Variants in EYA2 observed in about 807,000 individuals in gnomAD.
EYA2 encodes EYA transcriptional coactivator and phosphatase 2, also known as protein phosphatase EYA2.
EYA2 carries 31 observed loss-of-function variants against 69.2 expected under a neutral mutation model. That is an observed-to-expected ratio of 0.45 (90% CI 0.34 to 0.60). The LOEUF (loss-of-function observed/expected upper bound fraction) is 0.60, where lower values mean the gene tolerates loss of function less well. Among genes scored for constraint, EYA2 ranks in the 20% least tolerant of loss-of-function variants. The pLI is 0.02. For synonymous variants in EYA2, 257 were observed against 279.4 expected (o/e 0.92, Z 0.80); for missense variants, 622 against 701.2 (o/e 0.89, Z 1.28).
At chr20:46,986,171 A>C (rs1981167474) in intron 1 of EYA2, among the ~76,000 whole-genome samples, 1 of 151,830 alleles carries the variant, frequency 6.6e-6, no homozygotes, top group Non-Finnish European at 1.5e-5. Context: ...TCTATCCTGG[A>C]GTGCCTGTGG....
At chr20:47,088,198 C>T (rs553181732) in intron 7 of EYA2, among the ~76,000 whole-genome samples, 35 of 152,186 alleles carry the variant, frequency 2.3e-4, no homozygotes, top group Non-Finnish European at 4.9e-4. Flanking sequence ...CACGCCATTG[C>T]ACTCCAGCCT....
chr20:47,164,480 G>A (rs746523731), intron 10 of EYA2, among the ~76,000 whole-genome samples: 11 of 152,208 alleles, frequency 7.2e-5, no homozygotes, highest in Non-Finnish European at 1.5e-4. Flanking sequence ...CCTGGGGGGC[G>A]GAGGGGGTGT....
intron 1 of EYA2, among the ~76,000 whole-genome samples, chr20:46,931,959 A>G (rs2146252106): frequency 6.7e-6 from 1 of 149,958 alleles, no homozygotes; most frequent in African/African-American, 2.5e-5. Context: ...CTGTGTCCTC[A>G]GCGCTGTGAT....
At chr20:47,142,602 G>A (rs1275889626) in intron 9 of EYA2, among the ~76,000 whole-genome samples, 1 of 152,244 alleles carries the variant, frequency 6.6e-6, no homozygotes, top group African/African-American at 2.4e-5. Context: ...GTAAGGCAGT[G>A]TGCCTAGAGA....
At chr20:46,908,709 A>G (rs765278596) in intron 1 of EYA2, among the ~76,000 whole-genome samples, 39 of 151,946 alleles carry the variant, frequency 2.6e-4, no homozygotes, top group Non-Finnish European at 2.8e-4. Flanking sequence ...CTGATTTTTC[A>G]AAATCTGAAT....
intron 7 of EYA2, among the ~76,000 whole-genome samples, chr20:47,086,300 A>G (rs1434469801): frequency 6.6e-6 from 1 of 152,226 alleles, no homozygotes; most frequent in East Asian, 1.9e-4. Context: ...AGCCTGGCCA[A>G]CATGGTGAAA....
intron 10 of EYA2, among the ~76,000 whole-genome samples, chr20:47,154,059 T>G (rs2033873891): frequency 6.6e-6 from 1 of 151,986 alleles, no homozygotes; most frequent in Non-Finnish European, 1.5e-5. Context: ...ATGGAGCGGG[T>G]GGCTTACACG....
chr20:47,129,546 A>C (rs186939617), intron 9 of EYA2, among the ~76,000 whole-genome samples: 1 of 152,360 alleles, frequency 6.6e-6, no homozygotes. Context: ...ACATGAGGCC[A>C]CTAGAAGACG....
intron 1 of EYA2, among the ~76,000 whole-genome samples, chr20:46,898,832 G>T (rs936812359): frequency 6.6e-6 from 1 of 152,190 alleles, no homozygotes; most frequent in African/African-American, 2.4e-5. Flanking sequence ...CCTGCCAGGT[G>T]TATTTAGAGG....
intron 1 of EYA2, among the ~76,000 whole-genome samples, chr20:46,907,864 A>AAACG (rs1984440993): frequency 6.7e-6 from 1 of 148,414 alleles, no homozygotes; most frequent in South Asian, 2.1e-4. Flanking sequence ...ACAAACAAAC[A>AAACG]AAGTGTGCCT....
rs146217964 is a variant in EYA2 at position 47,112,042 on chromosome 20, G to A, written c.888+14874G>A. Among the ~76,000 whole-genome samples, 43 of 152,288 alleles carry A rather than the reference G, an allele frequency of 2.8e-4. No homozygotes were observed. The East Asian group carries it at 7.7e-3, about 27-fold the overall frequency. The stretch of plus-strand genomic sequence containing the variant: ...TGTAGTCCTAGCTACTCCGGAGGCT[G>A]AGGTTGAAGGATCCCTTGAGCCCAG... On this transcript the variant is annotated intron_variant, in intron 9 of 15. Coordinates refer to ENST00000327619, the MANE Select transcript of EYA2 (RefSeq NM_005244.5).
At chr20:47,003,906 A>C (rs919001235) in intron 3 of EYA2, among the ~76,000 whole-genome samples, 1 of 152,196 alleles carries the variant, frequency 6.6e-6, no homozygotes, top group Non-Finnish European at 1.5e-5. Flanking sequence ...TCATCTCTAA[A>C]CCAGGAGAGA....
intron 3 of EYA2, among the ~76,000 whole-genome samples, chr20:47,002,197 A>C (rs1448623088): frequency 1.5e-5 from 2 of 135,776 alleles, no homozygotes; most frequent in African/African-American, 5.6e-5. Context: ...TCCTTTCATC[A>C]TTTCTTTACT....
intron 15 of EYA2, among the ~76,000 whole-genome samples, chr20:47,186,081 A>T (rs142993073): frequency 6.6e-6 from 1 of 152,126 alleles, no homozygotes. Flanking sequence ...CCCAGCTCTC[A>T]AAAGTAGACA....
At chr20:46,960,363 T>C (rs1979399273) in intron 1 of EYA2, among the ~76,000 whole-genome samples, 2 of 152,172 alleles carry the variant, frequency 1.3e-5, no homozygotes, top group African/African-American at 4.8e-5. Flanking sequence ...TGATGCCAGA[T>C]AGTAATAATA....
intron 7 of EYA2, among the ~76,000 whole-genome samples, chr20:47,083,196 A>C (rs1241843579): frequency 6.6e-6 from 1 of 152,216 alleles, no homozygotes; most frequent in Non-Finnish European, 1.5e-5. Context: ...TCTCCACAGT[A>C]AATAAATGAA....
At chr20:47,094,819 A>G (rs1334001020) in intron 8 of EYA2, among the ~76,000 whole-genome samples, 1 of 152,218 alleles carries the variant, frequency 6.6e-6, no homozygotes, top group Non-Finnish European at 1.5e-5. Context: ...GCTTGCATTC[A>G]GGAGTTCAAG....
At chr20:47,187,026 T>C (rs1004872125) in intron 15 of EYA2, among the ~76,000 whole-genome samples, 1 of 151,436 alleles carries the variant, frequency 6.6e-6, no homozygotes, top group Non-Finnish European at 1.5e-5. Flanking sequence ...CATTCCAGCA[T>C]GGACAACAAA....
intron 9 of EYA2, among the ~76,000 whole-genome samples, chr20:47,113,116 G>A (rs569191824): frequency 1.1e-4 from 16 of 151,926 alleles, no homozygotes; most frequent in Middle Eastern, 3.4e-3. Context: ...CAAGTGATAC[G>A]CCCACCTCAG....
Sources: allele counts gnomAD v4.1 joint callset (sites outside exome capture counted in the v4.1 genomes callset), GRCh38; gene constraint gnomAD v4.1.1; transcripts MANE v1.5; gene names NCBI Gene and HGNC (gene_info 2026-07-23, HGNC 2026-07-21).